Variants in MAPK10 observed in about 807,000 individuals in gnomAD.
MAPK10 encodes the protein mitogen-activated protein kinase 10, also known as JNK3 alpha protein kinase.
Under a neutral mutation model 59.3 loss-of-function variants are expected in MAPK10, and 25 were observed. The ratio of observed to expected loss-of-function variants is 0.42; its 90% confidence interval spans 0.31 to 0.59. The LOEUF (loss-of-function observed/expected upper bound fraction) is 0.59. Ranked by LOEUF, MAPK10 falls within the 20% of genes least tolerant of loss-of-function variation. The probability of loss-of-function intolerance (pLI) is 0.15; values close to 1 mark genes in which losing one functional copy is unlikely to be tolerated. For synonymous variants in MAPK10, 190 were observed against 200.5 expected (o/e 0.95, Z 0.44); for missense variants, 351 against 568.9 (o/e 0.62, Z 3.90).
At chr4:86,582,231 C>T (rs948442864) in intron 1 of MAPK10, among the ~76,000 whole-genome samples, 1 of 151,732 alleles carries the variant, frequency 6.6e-6, no homozygotes, top group Non-Finnish European at 1.5e-5. Context: ...AATTAAAAAT[C>T]CCTTTTGAGA....
At chr4:86,216,703 C>T in intron 2 of MAPK10, among the ~76,000 whole-genome samples, 1 of 151,666 alleles carries the variant, frequency 6.6e-6, no homozygotes, top group Admixed American at 6.6e-5. Flanking sequence ...GAACATAATT[C>T]CACTTAGCTA....
intron 2 of MAPK10, among the ~76,000 whole-genome samples, chr4:86,246,866 TC>T (rs1463861588): frequency 6.6e-6 from 1 of 152,188 alleles, no homozygotes; most frequent in African/African-American, 2.4e-5. Context: ...CAGGAGGGTC[TC>T]TTGATTAGTA....
intron 3 of MAPK10, among the ~76,000 whole-genome samples, chr4:86,189,897 T>C (rs1007250684): frequency 2.6e-5 from 4 of 152,116 alleles, no homozygotes; most frequent in African/African-American, 9.7e-5. Flanking sequence ...CATAAATAGC[T>C]CTTATTATTT....
chr4:86,574,489 C>A (rs112633338), intron 1 of MAPK10, among the ~76,000 whole-genome samples: 5 of 151,506 alleles, frequency 3.3e-5, no homozygotes, highest in Non-Finnish European at 7.4e-5. Flanking sequence ...ACACTGACTT[C>A]CACAATGGCT....
intron 3 of MAPK10, among the ~76,000 whole-genome samples, chr4:86,190,174 T>C (rs2079333629): frequency 1.3e-5 from 2 of 152,220 alleles, no homozygotes; most frequent in African/African-American, 2.4e-5. Context: ...GATTTTTACA[T>C]TGATGTTCAT....
At position 86,440,615 on chromosome 4, in the gene MAPK10, G is replaced by A. The variant is rs949879461; in HGVS notation, c.-122+12415C>T. 4.8e-5 allele frequency among the ~76,000 whole-genome samples: 7 copies of A among 144,852 alleles called. No homozygotes were observed. In the East Asian group the frequency reaches 6.0e-4, roughly 12 times the overall value. On this transcript the variant is annotated intron_variant, in intron 1 of 13. Coordinates refer to the MAPK10 transcript ENST00000361569. ...TGCACTCAAGCCTGGGTGACAGAGCGAGATCCTGTCTCAAAAAAAAAAAAA... is the reference window on the plus strand; with the variant it reads ...TGCACTCAAGCCTGGGTGACAGAGCAAGATCCTGTCTCAAAAAAAAAAAAA...
At chr4:86,322,095 C>T (rs537647428) in intron 2 of MAPK10, 1 of 152,152 alleles carries the variant, frequency 6.6e-6, no homozygotes, top group Non-Finnish European at 1.5e-5. Context: ...TCCATTAAAT[C>T]ATATGTCTTA....
At chr4:86,213,978 T>A in intron 2 of MAPK10, among the ~76,000 whole-genome samples, 1 of 152,006 alleles carries the variant, frequency 6.6e-6, no homozygotes, top group East Asian at 1.9e-4. Context: ...CAATAAAATA[T>A]TGACAAACTC....
chr4:86,451,264 C>T (rs1750682613), intron 1 of MAPK10, among the ~76,000 whole-genome samples: 1 of 152,088 alleles, frequency 6.6e-6, no homozygotes, highest in Non-Finnish European at 1.5e-5. Flanking sequence ...ACACTGTTAT[C>T]CCCAAACCTT....
chr4:86,053,323 G>A (rs2043926389), intron 11 of MAPK10, among the ~76,000 whole-genome samples: 1 of 152,166 alleles, frequency 6.6e-6, no homozygotes, highest in Non-Finnish European at 1.5e-5. Context: ...GTGCCTTAGA[G>A]CTCTCCTTGA....
intron 2 of MAPK10, among the ~76,000 whole-genome samples, chr4:86,233,623 G>A (rs2091890091): frequency 6.6e-6 from 1 of 152,120 alleles, no homozygotes; most frequent in Non-Finnish European, 1.5e-5. Flanking sequence ...ACATTTTGGT[G>A]ATGGATTTCC....
At chr4:86,204,161 G>T (rs1171493891) in intron 2 of MAPK10, among the ~76,000 whole-genome samples, 1 of 151,908 alleles carries the variant, frequency 6.6e-6, no homozygotes, top group Non-Finnish European at 1.5e-5. Flanking sequence ...GAAAAAGTTT[G>T]CCAACCTCTG....
At chr4:86,382,265 C>T (rs9998829) in intron 1 of MAPK10, among the ~76,000 whole-genome samples, 151,941 of 151,944 alleles carry the variant, frequency 1, 75,969 homozygotes, top group Non-Finnish European at 1. Flanking sequence ...AAAGTGGATT[C>T]GGAGAGGCAT....
intron 1 of MAPK10, among the ~76,000 whole-genome samples, chr4:86,526,081 A>G (rs2149089437): frequency 6.6e-6 from 1 of 152,290 alleles, no homozygotes; most frequent in South Asian, 2.1e-4. Flanking sequence ...TGCTGGCTTC[A>G]CAGAGTAAGA....
At chr4:86,558,665 ACT>A (rs1243433304) in intron 1 of MAPK10, among the ~76,000 whole-genome samples, 1 of 152,102 alleles carries the variant, frequency 6.6e-6, no homozygotes, top group Non-Finnish European at 1.5e-5. Context: ...TTACTTTTTC[ACT>A]CTGAGAAGTT....
intron 1 of MAPK10, among the ~76,000 whole-genome samples, chr4:86,505,284 AC>A (rs1298841621): frequency 1.3e-5 from 2 of 152,042 alleles, no homozygotes; most frequent in Non-Finnish European, 2.9e-5. Context: ...CTGCCCATGT[AC>A]CCCCTGAATC....
At chr4:86,506,940 T>G (rs1268086750) in intron 1 of MAPK10, among the ~76,000 whole-genome samples, 1 of 152,098 alleles carries the variant, frequency 6.6e-6, no homozygotes, top group Non-Finnish European at 1.5e-5. Context: ...ACTAATACAA[T>G]ATACATAAAA....
chr4:86,526,883 G>C (rs1015341774), intron 1 of MAPK10, among the ~76,000 whole-genome samples: 11 of 152,052 alleles, frequency 7.2e-5, no homozygotes, highest in African/African-American at 2.7e-4. Flanking sequence ...AAATATTTTT[G>C]GTATTGAATT....
chr4:86,206,630 C>A (rs538410568), intron 2 of MAPK10, among the ~76,000 whole-genome samples: 13 of 152,336 alleles, frequency 8.5e-5, no homozygotes, highest in African/African-American at 3.1e-4. Flanking sequence ...CACTGACTTC[C>A]ACAAGGGTTG....
Sources: gnomAD v4.1 joint callset for allele counts (sites outside exome capture counted in the v4.1 genomes callset) on GRCh38, gnomAD v4.1.1 for gene constraint, MANE v1.5 for transcripts, NCBI Gene and HGNC (gene_info 2026-07-23, HGNC 2026-07-21) for gene names.